RUFY2: variants seen among roughly 807,000 people sequenced by gnomAD.
RUFY2 encodes the protein RUN and FYVE domain containing 2.
In RUFY2, 49 loss-of-function variants were observed where a neutral mutation model predicts 94.4. The observed-to-expected ratio is 0.52, with a 90% CI of 0.41 to 0.66. The LOEUF (loss-of-function observed/expected upper bound fraction) is 0.66. RUFY2 is among the 30% of genes least tolerant of loss of function. RUFY2 has a pLI of 0.00. For missense variants in RUFY2, 541 were observed against 692.8 expected (o/e 0.78, Z 2.46); for synonymous variants, 255 against 235.7 (o/e 1.08, Z -0.75).
At chr10:68,383,641 T>C (rs1201230799) in intron 10 of RUFY2, among the ~76,000 whole-genome samples, 157 bp downstream of exon 10, 1 of 152,120 alleles carries the variant, frequency 6.6e-6, no homozygotes, top group African/African-American at 2.4e-5. Flanking sequence ...AAAACATTGA[T>C]ATAGTGGAAG....
chr10:68,342,193 A>G, downstream of RUFY2: 1 of 590,392 alleles, frequency 1.7e-6, no homozygotes, highest in Non-Finnish European at 2.9e-6. Flanking sequence ...TGGTAAAGCA[A>G]CAGATTGTGA....
intron 16 of RUFY2, among the ~76,000 whole-genome samples, chr10:68,349,557 G>A (rs2046517756): frequency 1.3e-5 from 2 of 150,114 alleles, no homozygotes; most frequent in African/African-American, 4.9e-5. Flanking sequence ...TTTTTTTTTT[G>A]AGACAGAGTC....
Position 68,379,443 on chromosome 10 carries a change from TG to T in RUFY2, c.1185del (p.Met396Ter). On this transcript the variant is annotated frameshift_variant, in exon 12 of 18. Transcript: ENST00000602465. LOFTEE classifies it high-confidence loss of function. ...LEEKTNKITA[A>X]MRQLEQRLQQ... ...CTGTACCTTTGTTCCAGCTGCCTCA[TG>T]GCTGCAGTAATTTTATTGGTTTTTT... 1 of 1,610,604 alleles carries T rather than the reference TG, an allele frequency of 6.2e-7. No individual in the cohort carries two copies. The highest frequency in any genetic ancestry group is 8.5e-7 in the Non-Finnish European group (1 of 1,178,484).
At position 68,383,792 on chromosome 10, in the gene RUFY2, A is replaced by C. The variant is rs769100747; in HGVS notation, c.939+6T>G. On this transcript the variant is annotated splice_donor_region_variant and intron_variant, in intron 10 of 17. Transcript: ENST00000602465. ...TCTTGCTAATGTAATTTTTAATATA[A>C]CCTACCTGTCGTAACTGAGATTCAT... 1 of 1,574,190 alleles carries C rather than the reference A, an allele frequency of 6.4e-7. No individual in the cohort carries two copies. Among genetic ancestry groups the C allele is most frequent in the South Asian group, 1.1e-5 (1 of 90,132 alleles).
chr10:68,396,148 G>A (rs954549927), intron 4 of RUFY2, among the ~76,000 whole-genome samples: 5 of 152,068 alleles, frequency 3.3e-5, no homozygotes, highest in Admixed American at 2.0e-4. Context: ...ACAGGCATGC[G>A]CCACCACACC....
chr10:68,351,252 C>A (rs1205527288), intron 16 of RUFY2, among the ~76,000 whole-genome samples: 1 of 151,274 alleles, frequency 6.6e-6, no homozygotes, highest in Admixed American at 6.6e-5. Flanking sequence ...CTGCCTCAGC[C>A]TCCTGAGTAG....
At chr10:68,395,974 G>A (rs2050361272) in intron 4 of RUFY2, among the ~76,000 whole-genome samples, 2 of 152,052 alleles carry the variant, frequency 1.3e-5, no homozygotes, top group South Asian at 4.1e-4. Flanking sequence ...TTGAAAATCT[G>A]TCTTAAATAA....
chr10:68,361,774 C>T (rs1049508252), intron 15 of RUFY2, among the ~76,000 whole-genome samples: 3 of 152,166 alleles, frequency 2.0e-5, no homozygotes, highest in Non-Finnish European at 4.4e-5. Flanking sequence ...ATGATTTCTA[C>T]TTAATTGAAT....
chr10:68,341,443 G>A, downstream of RUFY2: 2 of 1,048,212 alleles, frequency 1.9e-6, no homozygotes, highest in Non-Finnish European at 2.8e-6. Context: ...GGCTTTCTGT[G>A]GGCTTTATAT....
chr10:68,365,860 G>C (rs1247361749), intron 13 of RUFY2, among the ~76,000 whole-genome samples: 1 of 152,114 alleles, frequency 6.6e-6, no homozygotes, highest in Non-Finnish European at 1.5e-5. Context: ...GACTTACTGT[G>C]TATGTTACAA....
At chr10:68,394,050 G>A (rs370467590) in intron 6 of RUFY2, 25 bp downstream of exon 6, 4 of 1,490,530 alleles carry the variant, frequency 2.7e-6, no homozygotes, top group African/African-American at 2.8e-5. Context: ...AACCCAATAT[G>A]TGAAATAACT....
chr10:68,357,691 GT>G (rs1564788308), intron 15 of RUFY2, among the ~76,000 whole-genome samples: 1 of 151,934 alleles, frequency 6.6e-6, no homozygotes, highest in Non-Finnish European at 1.5e-5. Flanking sequence ...TATCTACATA[GT>G]TTTCCATAAC....
chr10:68,364,094 A>C lies in RUFY2; in HGVS notation c.1345T>G (p.Leu449Val). 1 of 1,612,934 alleles carries C rather than the reference A, an allele frequency of 6.2e-7. No homozygotes were observed. The change falls in exon 14 of 18, where the codon TTG (leucine) becomes GTG (valine). Residue 449 changes from leucine (L) to valine (V), a missense_variant. This residue lies in a region of RUFY2 where 403 missense variants were observed against 480.7 expected (regional missense o/e 0.84). Transcript: ENST00000602465. ...EKQLVQLETD[L>V]KIEKEWRQTL... Reference sequence around the variant, plus strand: ...TGCCTCCATTCCTTCTCAATCTTCAAGTCAGTTTCCAGTTGCACCCTTGAA... The same window carrying C: ...TGCCTCCATTCCTTCTCAATCTTCACGTCAGTTTCCAGTTGCACCCTTGAA...
At chr10:68,364,213 C>T (rs992107484) in intron 13 of RUFY2, 100 bp from the exon 14 acceptor site, 1 of 1,121,506 alleles carries the variant, frequency 8.9e-7, no homozygotes, top group East Asian at 2.6e-5. Flanking sequence ...ATTACTTTGG[C>T]CTTTGTAATG....
chr10:68,364,931 AC>A (rs201564478), intron 13 of RUFY2, among the ~76,000 whole-genome samples: 7 of 151,778 alleles, frequency 4.6e-5, no homozygotes, highest in African/African-American at 4.8e-5. Flanking sequence ...TAAAAAAAAA[AC>A]AAACACAAAT....
intron 16 of RUFY2, among the ~76,000 whole-genome samples, chr10:68,350,902 G>C (rs1320891936): frequency 2.0e-5 from 3 of 151,324 alleles, no homozygotes; most frequent in African/African-American, 7.3e-5. Flanking sequence ...AGTAGAAATG[G>C]GTTTCTCCAT....
chr10:68,345,008 G>A lies in RUFY2; in HGVS notation c.*760C>T, dbSNP rs559983509. The A allele has an allele frequency of 6.6e-6, 1 of 151,980 alleles. No homozygotes were observed. Among genetic ancestry groups the A allele is most frequent in the Admixed American group, 6.6e-5 (1 of 15,262 alleles). The allele number at this position is 151,980 out of a possible 1,614,324, so 9.4% of individuals were successfully genotyped here. ...ATTTGTGTTTTCATCTTTGAATTGGGGTCTGAGTCACCCCTTAAAAAAACA... is the reference window on the plus strand; with the variant it reads ...ATTTGTGTTTTCATCTTTGAATTGGAGTCTGAGTCACCCCTTAAAAAAACA... On this transcript the variant is annotated 3_prime_UTR_variant, in exon 18 of 18. Transcript: ENST00000602465.
At chr10:68,378,590 T>TACTG in intron 12 of RUFY2, 2 of 1,608,998 alleles carry the variant, frequency 1.2e-6, no homozygotes, top group Non-Finnish European at 1.7e-6. Context: ...AACCAGCTTG[T>TACTG]ACTGGTCCTG....
intron 3 of RUFY2, among the ~76,000 whole-genome samples, chr10:68,400,601 A>C (rs1468392998): frequency 6.7e-6 from 1 of 149,916 alleles, no homozygotes; most frequent in Non-Finnish European, 1.5e-5. Flanking sequence ...GCTTGAACCC[A>C]TGAGGCGGAG....
Sources: gnomAD v4.1 joint callset for allele counts (sites outside exome capture counted in the v4.1 genomes callset) on GRCh38, gnomAD v4.1.1 for gene constraint, gnomAD v4.1.1 regional missense constraint, MANE v1.5 for transcripts, NCBI Gene and HGNC (gene_info 2026-07-23, HGNC 2026-07-21) for gene names.